CD36: variants seen among roughly 807,000 people sequenced by gnomAD.
CD36 encodes the protein platelet glycoprotein 4.
Under a neutral mutation model 55.2 loss-of-function variants are expected in CD36, and 119 were observed. That is an observed-to-expected ratio of 2.15 (90% CI 1.86 to 2.51). The LOEUF (loss-of-function observed/expected upper bound fraction) is 2.51, where lower values mean the gene tolerates loss of function less well. Among genes scored for constraint, CD36 ranks in the 30% most tolerant of loss-of-function variants. The probability of loss-of-function intolerance (pLI) is 0.00; values close to 1 mark genes in which losing one functional copy is unlikely to be tolerated. For missense variants in CD36, 819 were observed against 555.5 expected (o/e 1.47, Z -4.77); for synonymous variants, 186 against 193.6 (o/e 0.96, Z 0.33).
At chr7:80,645,836 A>G (rs1368353092) in intron 1 of CD36, among the ~76,000 whole-genome samples, 1 of 152,106 alleles carries the variant, frequency 6.6e-6, no homozygotes, top group African/African-American at 2.4e-5. Context: ...TACATTTTAT[A>G]TTTGCTTCAA....
intron 1 of CD36, among the ~76,000 whole-genome samples, chr7:80,615,463 G>A (rs1417168167): frequency 6.6e-6 from 1 of 152,026 alleles, no homozygotes; most frequent in East Asian, 1.9e-4. Context: ...CTGAATTTAT[G>A]CATGTTGTTC....
intron 1 of CD36, among the ~76,000 whole-genome samples, chr7:80,619,809 A>G (rs1256555419): frequency 1.3e-5 from 2 of 152,156 alleles, no homozygotes; most frequent in Non-Finnish European, 1.5e-5. Context: ...AGCAACATCA[A>G]CAGGAGTTTG....
intron 14 of CD36, among the ~76,000 whole-genome samples, chr7:80,674,638 G>A (rs1798079563): frequency 2.0e-5 from 3 of 152,086 alleles, no homozygotes; most frequent in Non-Finnish European, 4.4e-5. Context: ...CAAGTACTCA[G>A]AGTGGTGTAC....
At chr7:80,621,747 T>C (rs1405358250) in intron 1 of CD36, among the ~76,000 whole-genome samples, 1 of 152,190 alleles carries the variant, frequency 6.6e-6, no homozygotes, top group Admixed American at 6.5e-5. Flanking sequence ...AAAAGAGGTA[T>C]TATTCTAGTT....
At chr7:80,604,631 GGACATAGGA>G (rs1228890415) in intron 1 of CD36, among the ~76,000 whole-genome samples, 3 of 151,532 alleles carry the variant, frequency 2.0e-5, no homozygotes, top group African/African-American at 7.3e-5. Context: ...GCATTAGAGG[GGACATAGGA>G]GACAGCTTGG....
intron 4 of CD36, among the ~76,000 whole-genome samples, chr7:80,657,437 C>A (rs182710250): frequency 1.8e-4 from 27 of 152,258 alleles, no homozygotes; most frequent in Non-Finnish European, 2.8e-4. Flanking sequence ...TATTTTATAT[C>A]TTTCCTCTGC....
chr7:80,655,379 G>A (rs542099537), intron 3 of CD36, among the ~76,000 whole-genome samples: 1 of 152,154 alleles, frequency 6.6e-6, no homozygotes, highest in African/African-American at 2.4e-5. Flanking sequence ...TACAGCTAAT[G>A]AAGTTGACCC....
At position 80,664,421 on chromosome 7, in the gene CD36, G is replaced by T. The variant is rs150674228; in HGVS notation, c.625G>T (p.Asp209Tyr). ...TATATTTCAGTACAACAATACTGCA[G>T]ATGGAGTTTATAAAGTTTTCAATGG... ...GLFYPYNNTA[D>Y]GVYKVFNGKD... The change falls in exon 7 of 15, where the codon GAT becomes TAT. Residue 209 changes from aspartate to tyrosine, a missense_variant. By Grantham distance (160) the Asp-to-Tyr change is radical (BLOSUM62 -3). Coordinates refer to ENST00000447544, the MANE Select transcript of CD36 (RefSeq NM_001001548.3). The T allele has an allele frequency of 2.6e-6, 4 of 1,557,856 alleles. No homozygotes were observed. In the Admixed American group the frequency reaches 5.0e-5, roughly 20 times the overall value.
Position 80,678,570 on chromosome 7 carries a change from T to G in CD36, c.*2187T>G, listed in dbSNP as rs915804297. 1 of 152,156 alleles carries G rather than the reference T, an allele frequency of 6.6e-6. No homozygotes were observed. The highest frequency in any genetic ancestry group is 2.4e-5 in the African/African-American group (1 of 41,444). 9.4% of individuals were successfully genotyped at this position (152,156 alleles called of 1,614,324 possible). A position where few individuals can be genotyped will look rare whatever the true frequency, so the allele number is the denominator to read the frequency against. On this transcript the variant is annotated 3_prime_UTR_variant, in exon 15 of 15. Coordinates refer to ENST00000447544, the MANE Select transcript of CD36 (RefSeq NM_001001548.3). ...CTCTGAAAATATTTGTATTAAGATG[T>G]GTATACATGGCCAGGCATGGTGGCT...
intron 4 of CD36, among the ~76,000 whole-genome samples, chr7:80,658,552 G>T: frequency 6.6e-6 from 1 of 152,092 alleles, no homozygotes; most frequent in Non-Finnish European, 1.5e-5. Context: ...GAGTGCAGTG[G>T]CACGATCACA....
intron 7 of CD36, among the ~76,000 whole-genome samples, chr7:80,665,474 T>C (rs1302435067): frequency 1.9e-5 from 2 of 102,690 alleles, no homozygotes; most frequent in Non-Finnish European, 5.6e-5. Flanking sequence ...GGAGTACTTT[T>C]TCTTCTAAAG....
Position 80,671,150 on chromosome 7 carries a change from G to A in CD36, c.992G>A (p.Ser331Asn), listed in dbSNP as rs1384279827. 1.9e-6 allele frequency: 3 copies of A among 1,608,728 alleles called. No individual in the cohort carries two copies. The highest frequency in any genetic ancestry group is 2.6e-6 in the Non-Finnish European group (3 of 1,176,084). The change falls in exon 10 of 15, where the codon AGC (serine) becomes AAC (asparagine). Residue 331 changes from serine to asparagine, a missense_variant. Physicochemically the swap from Ser to Asn is conservative, Grantham distance 46. Transcript: ENST00000447544. ...ACATCATATGGTGTGCTAGACATCAGCAAATGCAAAGAAGGTGAGTAAATA... is the reference window on the plus strand; with the variant it reads ...ACATCATATGGTGTGCTAGACATCAACAAATGCAAAGAAGGTGAGTAAATA... ...NCTSYGVLDI[S>N]KCKEGRPVYI...
At chr7:80,669,886 G>A in intron 8 of CD36, 67 bp from the exon 9 acceptor site, 2 of 1,039,690 alleles carry the variant, frequency 1.9e-6, no homozygotes, top group Non-Finnish European at 3.0e-6. Flanking sequence ...CACTGGAGGA[G>A]AGATTTCTAG....
intron 4 of CD36, among the ~76,000 whole-genome samples, chr7:80,656,922 A>G (rs1425543902): frequency 6.6e-6 from 1 of 152,168 alleles, no homozygotes; most frequent in Non-Finnish European, 1.5e-5. Flanking sequence ...CATTATCCAA[A>G]TATTTATTAG....
At chr7:80,665,785 T>G (rs1177994970) in intron 7 of CD36, 1 of 152,076 alleles carries the variant, frequency 6.6e-6, no homozygotes, top group Non-Finnish European at 1.5e-5. Flanking sequence ...GGAAAAAAAG[T>G]TTTTCCATCA....
chr7:80,634,884 G>T (rs1365491607), upstream of CD36, among the ~76,000 whole-genome samples: 2 of 151,652 alleles, frequency 1.3e-5, no homozygotes, highest in East Asian at 3.9e-4. Flanking sequence ...AAAGTTTATG[G>T]AATAAAAATG....
intron 1 of CD36, among the ~76,000 whole-genome samples, chr7:80,602,950 C>CAATCTT (rs1264163143): frequency 6.6e-6 from 1 of 152,006 alleles, no homozygotes; most frequent in Non-Finnish European, 1.5e-5. Flanking sequence ...CCTAAAAGAC[C>CAATCTT]AATCTTAACA....
intron 3 of CD36, among the ~76,000 whole-genome samples, chr7:80,652,727 G>C (rs902027871): frequency 6.6e-6 from 1 of 152,118 alleles, no homozygotes; most frequent in Admixed American, 6.5e-5. Flanking sequence ...CACATGACTG[G>C]CTTAGACAGT....
At chr7:80,661,321 C>A (rs527258454) in intron 5 of CD36, 111 bp downstream of exon 5, 4 of 1,024,026 alleles carry the variant, frequency 3.9e-6, no homozygotes, top group African/African-American at 3.2e-5. Context: ...TTTATCAAAA[C>A]GTATTCCTAT....
Sources: allele counts gnomAD v4.1 joint callset (sites outside exome capture counted in the v4.1 genomes callset), GRCh38; gene constraint gnomAD v4.1.1; transcripts MANE v1.5; gene names NCBI Gene and HGNC (gene_info 2026-07-23, HGNC 2026-07-21).